The following SPDL1 variants were observed in gnomAD, a reference collection of about 807,000 sequenced individuals.
The protein encoded by SPDL1 is spindle apparatus coiled-coil protein 1, also known as protein Spindly.
SPDL1 carries 85 observed loss-of-function variants against 79.5 expected under a neutral mutation model. The ratio of observed to expected loss-of-function variants is 1.07; its 90% CI spans 0.90 to 1.28. SPDL1 has a LOEUF of 1.28. SPDL1 is among the 50% of genes most tolerant of loss of function. The pLI is 0.00. For missense variants in SPDL1, 703 were observed against 697.8 expected (o/e 1.01, Z -0.08); for synonymous variants, 269 against 240.3 (o/e 1.12, Z -1.10).
Position 169,602,090 on chromosome 5 carries a change from A to G in SPDL1, c.1670+465A>G, listed in dbSNP as rs151189279. The G allele has an allele frequency of 1.5e-3, 281 of 186,632 alleles. 2 individuals carry two copies. Among genetic ancestry groups the G allele is most frequent in the African/African-American group, 6.4e-3 (268 of 41,906 alleles). The allele number at this position is 186,632 out of a possible 1,614,324, so 11.6% of individuals were successfully genotyped here. On this transcript the variant is annotated intron_variant, in intron 11 of 11. Transcript: ENST00000265295. ...TAGGCATTCAAAAATGGGCTTCAAT[A>G]CTTATTTTGACATTTTTACATATCA...
rs1450429160 is a variant in SPDL1, at chr5:169,594,166, A to G, written c.553A>G (p.Asn185Asp). 1 of 1,607,614 alleles carries G rather than the reference A, an allele frequency of 6.2e-7. No homozygotes were observed. Among genetic ancestry groups the G allele is most frequent in the Non-Finnish European group, 8.5e-7 (1 of 1,178,330 alleles). ...SMKTTLKEEV[N>D]ELQYRQEQLE... The stretch of plus-strand genomic sequence containing the variant: ...ATAGACCACCCTCAAAGAAGAAGTG[A>G]ATGAACTACAATACAGACAAGAACA... Residue 185 changes from asparagine to aspartate, a missense_variant, in exon 5 of 12, where the codon AAT becomes GAT. By Grantham distance (23) the Asn-to-Asp change is conservative. Coordinates refer to ENST00000265295, the MANE Select transcript of SPDL1 (RefSeq NM_017785.5).
intron 11 of SPDL1, among the ~76,000 whole-genome samples, chr5:169,603,105 TTG>T (rs5873185): frequency 0.65 from 97,767 of 150,780 alleles, 31,862 homozygotes; most frequent in East Asian, 0.73. Flanking sequence ...CACAAAACAT[TTG>T]TGTGTGTGTG....
intron 3 of SPDL1, among the ~76,000 whole-genome samples, chr5:169,592,805 CTTT>C (rs11301691): frequency 3.5e-5 from 3 of 85,008 alleles, no homozygotes; most frequent in Non-Finnish European, 4.7e-5. Flanking sequence ...ATAGAGATGG[CTTT>C]TTTTTTTTTT....
chr5:169,591,724 A>C (rs976242448), intron 3 of SPDL1, among the ~76,000 whole-genome samples: 1 of 152,266 alleles, frequency 6.6e-6, no homozygotes, highest in African/African-American at 2.4e-5. Context: ...CATATACCAG[A>C]TGAAAGAGCC....
intron 11 of SPDL1, 128 bp downstream of exon 11, chr5:169,601,753 C>A: frequency 1.1e-6 from 1 of 904,184 alleles, no homozygotes; most frequent in Non-Finnish European, 1.8e-6. Context: ...TCCTCAGTTT[C>A]ATCTACCTAC....
At chr5:169,598,144 C>T (rs537977026) in intron 8 of SPDL1, among the ~76,000 whole-genome samples, 1 of 152,262 alleles carries the variant, frequency 6.6e-6, no homozygotes, top group South Asian at 2.1e-4. Flanking sequence ...AGAATTTAAT[C>T]CAGCAGGCAT....
chr5:169,604,316 G>A lies in SPDL1; in HGVS notation c.*109G>A, dbSNP rs1756080952. 2 of 1,136,470 alleles carry A rather than the reference G, an allele frequency of 1.8e-6. No individual in the cohort carries two copies. The highest frequency in any genetic ancestry group is 2.4e-5 in the South Asian group (1 of 41,860). 70.4% of individuals were successfully genotyped at this position (1,136,470 alleles called of 1,614,324 possible). On this transcript the variant is annotated 3_prime_UTR_variant, in exon 12 of 12. Transcript: ENST00000265295. Reference sequence around the variant, plus strand: ...ACCTTCTGGGTTATTTACTCATTGTGCCAGGACCTGGCATTTTCATGTGCC... The same window carrying A: ...ACCTTCTGGGTTATTTACTCATTGTACCAGGACCTGGCATTTTCATGTGCC...
intron 7 of SPDL1, 50 bp from the exon 8 acceptor site, chr5:169,596,511 A>T (rs1161184517): frequency 6.7e-7 from 1 of 1,499,642 alleles, no homozygotes; most frequent in Non-Finnish European, 9.2e-7. Flanking sequence ...TAGTTATCAG[A>T]ATCTTTCTCT....
Position 169,583,779 on chromosome 5 carries a change from G to C in SPDL1, c.-134G>C, listed in dbSNP as rs1754826653. The C allele has an allele frequency of 6.6e-6, 1 of 152,258 alleles. No individual in the cohort carries two copies. Among genetic ancestry groups the C allele is most frequent in the Non-Finnish European group, 1.5e-5 (1 of 68,058 alleles). 9.4% of individuals were successfully genotyped at this position (152,258 alleles called of 1,614,324 possible). ...TCAAATATCCCAGGCGCTTACTCGAGAGCTAGCTGAGCGAATGGGCCGGCG... is the reference window on the plus strand; with the variant it reads ...TCAAATATCCCAGGCGCTTACTCGACAGCTAGCTGAGCGAATGGGCCGGCG... On this transcript the variant is annotated 5_prime_UTR_variant, in exon 1 of 12. Transcript: ENST00000265295.
intron 1 of SPDL1, among the ~76,000 whole-genome samples, chr5:169,585,016 C>CAAAAAAAAAAA (rs11415643): frequency 7.2e-6 from 1 of 138,260 alleles, no homozygotes; most frequent in Admixed American, 7.2e-5. Context: ...GACTCCGTCT[C>CAAAAAAAAAAA]AAAAAAAAAA....
intron 2 of SPDL1, 122 bp downstream of exon 2, chr5:169,588,697 C>T: frequency 1.3e-6 from 1 of 780,454 alleles, no homozygotes; most frequent in Non-Finnish European, 1.9e-6. Flanking sequence ...AGTTCCCGCC[C>T]TGCCCCGTCC....
chr5:169,598,835 A>T, intron 9 of SPDL1, 137 bp from the exon 10 acceptor site: 1 of 1,206,610 alleles, frequency 8.3e-7, no homozygotes, highest in Non-Finnish European at 1.1e-6. Flanking sequence ...TAAATTGTTT[A>T]TTGTTTCTTT....
chr5:169,592,498 A>G (rs1481198880), intron 3 of SPDL1, among the ~76,000 whole-genome samples: 1 of 152,154 alleles, frequency 6.6e-6, no homozygotes, highest in Non-Finnish European at 1.5e-5. Context: ...TACAGGCCTG[A>G]GCCACTGCGC....
intron 1 of SPDL1, 148 bp from the exon 2 acceptor site, chr5:169,588,246 T>C: frequency 1.9e-6 from 1 of 521,024 alleles, no homozygotes; most frequent in Admixed American, 3.7e-5. Flanking sequence ...GGAACAAGAA[T>C]GCAAATTTGA....
chr5:169,601,145 T>C, intron 10 of SPDL1, 135 bp from the exon 11 acceptor site: 1 of 674,318 alleles, frequency 1.5e-6, no homozygotes, highest in Non-Finnish European at 2.5e-6. Flanking sequence ...AAACAAAGGA[T>C]GCATTTCAGT....
intron 2 of SPDL1, chr5:169,590,678 T>C (rs908640167): frequency 8.7e-6 from 4 of 457,378 alleles, no homozygotes; most frequent in African/African-American, 2.0e-5. Flanking sequence ...GAGCTACAAG[T>C]AGAGCATCTC....
In SPDL1 at chr5:169,591,163, A is replaced by T; in HGVS notation, c.275A>T (p.Glu92Val). 6.2e-7 allele frequency: 1 copy of T among 1,614,098 alleles called. No homozygotes were observed. Among genetic ancestry groups the T allele is most frequent in the Non-Finnish European group, 8.5e-7 (1 of 1,179,984 alleles). ...AAACAACAACAAAAAATGCACCTGG[A>T]GAAATTGGAAGAACAACTAAGCAGA... ...AIKQQQKMHLEKLEEQLSRSH... is the reference protein window; with the variant it reads ...AIKQQQKMHLVKLEEQLSRSH... Residue 92 changes from glutamate (E) to valine (V), a missense_variant, in exon 3 of 12, where the codon GAG (glutamate) becomes GTG (valine). By Grantham distance (121) the Glu-to-Val change is moderately radical. Coordinates refer to ENST00000265295, the MANE Select transcript of SPDL1 (RefSeq NM_017785.5).
rs564527145 is a variant in SPDL1 at position 169,591,032 on chromosome 5, T to A, written c.160-16T>A. On this transcript the variant is annotated splice_polypyrimidine_tract_variant and intron_variant, in intron 2 of 11. Coordinates refer to ENST00000265295, the MANE Select transcript of SPDL1 (RefSeq NM_017785.5). ...CTATTTTTATGTAATTGAATTGTAA[T>A]TGAATCTGTTTTCAGAGTTATGAAC... 274 of 1,596,466 alleles carry A rather than the reference T, an allele frequency of 1.7e-4. 4 individuals are homozygous for A. In the South Asian group the frequency reaches 3.0e-3, roughly 17 times the overall value.
At chr5:169,601,844 A>G in intron 11 of SPDL1, 1 of 626,524 alleles carries the variant, frequency 1.6e-6, no homozygotes, top group Non-Finnish European at 2.9e-6. Flanking sequence ...TCACATTAAA[A>G]AGTTACACGT....
Sources: allele counts gnomAD v4.1 joint callset (sites outside exome capture counted in the v4.1 genomes callset), GRCh38; gene constraint gnomAD v4.1.1; transcripts MANE v1.5; gene names NCBI Gene and HGNC (gene_info 2026-07-23, HGNC 2026-07-21).